C16orf89: variants seen among roughly 807,000 people sequenced by gnomAD.
The protein encoded by C16orf89 is UPF0764 protein C16orf89.
In C16orf89, 57 loss-of-function variants were observed where a neutral mutation model predicts 41.5. The ratio of observed to expected loss-of-function variants is 1.38; its 90% CI spans 1.11 to 1.71. The LOEUF (loss-of-function observed/expected upper bound fraction) is 1.71. C16orf89 is among the 40% of genes most tolerant of loss of function. The probability of loss-of-function intolerance (pLI) is 0.00; values close to 1 mark genes in which losing one functional copy is unlikely to be tolerated. For missense variants in C16orf89, 575 were observed against 445.9 expected, an observed-to-expected ratio of 1.29 and a Z score of -2.61; for synonymous variants, 223 against 190.6, an observed-to-expected ratio of 1.17 and a Z score of -1.40.
Position 5,065,647 on chromosome 16 carries a change from A to G in C16orf89, c.208+54T>C, listed in dbSNP as rs183144681. On this transcript the variant is annotated intron_variant, in intron 1 of 7. Coordinates refer to ENST00000472572, the MANE Select transcript of C16orf89 (RefSeq NM_001098514.3). ...AGGCGTACAGAGCAGGGCAGGGGACAAAGCTGAGAGCTAGCTTCCCAGTGT... is the reference window on the plus strand; with the variant it reads ...AGGCGTACAGAGCAGGGCAGGGGACGAAGCTGAGAGCTAGCTTCCCAGTGT... The G allele has an allele frequency of 5.8e-5, 90 of 1,541,704 alleles. 1 individual carries two copies. In the African/African-American group the frequency reaches 9.1e-4, roughly 16 times the overall value.
chr16:5,062,542 G>C lies in C16orf89; in HGVS notation c.241C>G (p.Gln81Glu), dbSNP rs184660255. 3.7e-6 allele frequency: 6 copies of C among 1,613,280 alleles called. No individual in the cohort carries two copies. Among genetic ancestry groups the C allele is most frequent in the Non-Finnish European group, 1.7e-6 (2 of 1,179,602 alleles). The change falls in exon 2 of 8, where the codon CAG (glutamine) becomes GAG (glutamate). Residue 81 changes from glutamine (Q) to glutamate (E), a missense_variant. By Grantham distance (29) the Gln-to-Glu change is conservative. Transcript: ENST00000472572. ...QLKSVREKWA[Q>E]EPLLQPLSLR... ...CTCAGCGGCTGCAGCAGGGGCTCCT[G>C]GGCCCACTTCTCCCGGACACTTTTT... is the stretch of plus-strand genomic sequence containing the variant.
Position 5,058,920 on chromosome 16 carries a change from T to C in C16orf89, c.510-310A>G, listed in dbSNP as rs189214300. On this transcript the variant is annotated intron_variant, in intron 3 of 7. Transcript: ENST00000472572. ...CAGTGGGTACTTGAACCCAGACCAC[T>C]TGGAATCTGGGCCCAACATGCTTAT... Among the ~76,000 whole-genome samples, 160 of 152,106 alleles carry C rather than the reference T, an allele frequency of 1.1e-3. 1 individual carries two copies. Among genetic ancestry groups the C allele is most frequent in the African/African-American group, 3.7e-3 (155 of 41,532 alleles).
intron 7 of C16orf89, among the ~76,000 whole-genome samples, chr16:5,045,544 G>A (rs564910169): frequency 2.0e-5 from 3 of 152,152 alleles, no homozygotes; most frequent in African/African-American, 7.2e-5. Context: ...AGCCAGGTCC[G>A]TTGAAGGGAG....
chr16:5,047,861 T>G lies in C16orf89; in HGVS notation c.955+17A>C. 7.0e-7 allele frequency: 1 copy of G among 1,435,190 alleles called. No individual in the cohort carries two copies. The highest frequency in any genetic ancestry group is 9.8e-7 in the Non-Finnish European group (1 of 1,019,282). The allele number at this position is 1,435,190 out of a possible 1,614,324, so 88.9% of individuals were successfully genotyped here. ...CTTAGTTTCATGTCAAGAAACTCCCTTGGGTATTTTCATTACCTGGAAATT... is the reference window on the plus strand; with the variant it reads ...CTTAGTTTCATGTCAAGAAACTCCCGTGGGTATTTTCATTACCTGGAAATT... On this transcript the variant is annotated intron_variant, in intron 7 of 7. Coordinates refer to ENST00000472572, the MANE Select transcript of C16orf89 (RefSeq NM_001098514.3).
chr16:5,062,407 C>T lies in C16orf89; in HGVS notation c.358+18G>A. ...AGGCGCTATTCCTGAGGGAATGGGA[C>T]ACCCTGCGTGTGCTCACCTCTTAGG... On this transcript the variant is annotated intron_variant, in intron 2 of 7. Coordinates refer to ENST00000472572, the MANE Select transcript of C16orf89 (RefSeq NM_001098514.3). 1.3e-6 allele frequency: 2 copies of T among 1,596,650 alleles called. No individual in the cohort carries two copies. Among genetic ancestry groups the T allele is most frequent in the Non-Finnish European group, 1.7e-6 (2 of 1,171,432 alleles).
In C16orf89 at chr16:5,060,313, A is replaced by G. The variant is rs748362978; in HGVS notation, c.482T>C (p.Val161Ala). The change falls in exon 3 of 8, where the codon GTG becomes GCG. Residue 161 changes from valine to alanine, a missense_variant. Val to Ala is a moderately conservative substitution (Grantham distance 64). Coordinates refer to ENST00000472572, the MANE Select transcript of C16orf89 (RefSeq NM_001098514.3). ...GGTTCCCAGCAGCTGCACCAGGCAC[A>G]CGTCACTTCTCTCCTCTGAGAATGA... ...QDSFSEERSD[V>A]CLVQLLGTGT... The G allele has an allele frequency of 1.2e-6, 2 of 1,611,960 alleles. No individual in the cohort carries two copies. Among genetic ancestry groups the G allele is most frequent in the South Asian group, 1.1e-5 (1 of 90,842 alleles).
intron 6 of C16orf89, among the ~76,000 whole-genome samples, chr16:5,051,637 T>C (rs1956398912): frequency 6.6e-6 from 1 of 152,066 alleles, no homozygotes; most frequent in South Asian, 2.1e-4. Flanking sequence ...CGAAGTGATC[T>C]ACAGATTGAA....
chr16:5,060,566 C>G, intron 2 of C16orf89, 130 bp from the exon 3 acceptor site: 9 of 911,732 alleles, frequency 9.9e-6, no homozygotes, highest in Non-Finnish European at 1.4e-5. Flanking sequence ...TAAGCCCTGT[C>G]CCCTGGTCCC....
At chr16:5,059,531 C>T (rs954857311) in intron 3 of C16orf89, among the ~76,000 whole-genome samples, 2 of 152,130 alleles carry the variant, frequency 1.3e-5, no homozygotes, top group African/African-American at 4.8e-5. Context: ...CCCAGCCCCT[C>T]CGTGAATCCA....
rs1343615260 is a variant in C16orf89 at position 5,060,406 on chromosome 16, C to T, written c.389G>A (p.Trp130Ter). The T allele has an allele frequency of 1.9e-6, 3 of 1,612,932 alleles. No individual in the cohort carries two copies. The highest frequency in any genetic ancestry group is 3.3e-5 in the Admixed American group (2 of 59,914). ...EFQLTLQPGFWKLPHAWIHTD... is the reference protein window; with the variant it reads ...EFQLTLQPGF ...GTGGATCCAGGCATGTGGGAGCTTC[C>T]AAAACCCGGGCTGGAGGGTCAGCTG... The change falls in exon 3 of 8, where the codon TGG becomes TAG. Residue 130 changes from tryptophan to a stop codon, truncating the protein, a stop_gained. Transcript: ENST00000472572. LOFTEE classifies it high-confidence loss of function.
chr16:5,063,983 C>G (rs1191001135), intron 1 of C16orf89, among the ~76,000 whole-genome samples: 1 of 151,936 alleles, frequency 6.6e-6, no homozygotes, highest in Non-Finnish European at 1.5e-5. Flanking sequence ...AAAAATTAGC[C>G]GGGCGTGGTG....
chr16:5,044,070 A>G (rs1406095113), downstream of C16orf89: 1 of 1,058,428 alleles, frequency 9.4e-7, no homozygotes, highest in Admixed American at 4.9e-5. Flanking sequence ...AAACAGACCA[A>G]GAGGTTGTCC....
In C16orf89 at chr16:5,058,490, C is replaced by G; in HGVS notation, c.627+3G>C. On this transcript the variant is annotated splice_donor_region_variant and intron_variant, in intron 4 of 7. Transcript: ENST00000472572. Reference sequence around the variant, plus strand: ...GCACGGCGGGGGCTCCCTGGGCACTCACCATTCTGGCCCAGAGGAAGAAGA... The same window carrying G: ...GCACGGCGGGGGCTCCCTGGGCACTGACCATTCTGGCCCAGAGGAAGAAGA... 1 of 1,598,802 alleles carries G rather than the reference C, an allele frequency of 6.3e-7. No individual in the cohort carries two copies. Among genetic ancestry groups the G allele is most frequent in the Non-Finnish European group, 8.6e-7 (1 of 1,168,686 alleles).
At position 5,057,236 on chromosome 16, in the gene C16orf89, C is replaced by CA. The variant is rs574771708; in HGVS notation, c.628-1049dup. Among the ~76,000 whole-genome samples the CA allele has an allele frequency of 1.4e-3, 110 of 76,240 alleles. 2 individuals carry two copies. Among genetic ancestry groups the CA allele is most frequent in the South Asian group, 8.8e-3 (25 of 2,828 alleles). 50.0% of individuals were successfully genotyped at this position (76,240 alleles called of 152,430 possible). A position where few individuals can be genotyped will look rare whatever the true frequency, so the allele number is the denominator to read the frequency against. The stretch of plus-strand genomic sequence containing the variant: ...TGGGCAACAGAGTGAGACTCCATCT[C>CA]AAAAAAAAAAAAAGAAGGAAAAGAA... On this transcript the variant is annotated intron_variant, in intron 4 of 7. Coordinates refer to ENST00000472572, the MANE Select transcript of C16orf89 (RefSeq NM_001098514.3).
chr16:5,044,199 C>A lies in C16orf89; in HGVS notation c.*149G>T. On this transcript the variant is annotated 3_prime_UTR_variant, in exon 8 of 8. Transcript: ENST00000472572. ...CCCACCTACCCTGGCCTTGCCTACT[C>A]AGGGCTTCCAAGATTGGGTGTCGGG... The A allele has an allele frequency of 1.4e-6, 2 of 1,402,936 alleles. No homozygotes were observed. The highest frequency in any genetic ancestry group is 2.7e-5 in the East Asian group (1 of 37,138). 86.9% of individuals were successfully genotyped at this position (1,402,936 alleles called of 1,614,324 possible).
At chr16:5,059,469 AAAAAAT>A (rs1235203811) in intron 3 of C16orf89, among the ~76,000 whole-genome samples, 1 of 152,002 alleles carries the variant, frequency 6.6e-6, no homozygotes, top group Non-Finnish European at 1.5e-5. Flanking sequence ...CTCTGTCTCA[AAAAAAT>A]AAAAATAAAT....
intron 6 of C16orf89, among the ~76,000 whole-genome samples, chr16:5,049,587 C>T (rs952071071): frequency 5.3e-5 from 8 of 152,292 alleles, no homozygotes; most frequent in African/African-American, 1.9e-4. Flanking sequence ...AATTAAACAA[C>T]ATGTTCCTGA....
intron 6 of C16orf89, 145 bp downstream of exon 6, chr16:5,055,101 A>G (rs1956466957): frequency 4.2e-6 from 3 of 717,070 alleles, no homozygotes; most frequent in African/African-American, 1.8e-5. Context: ...CCTTGTGTGT[A>G]CACGTCTGTG....
chr16:5,061,510 CCA>C (rs150052697), intron 2 of C16orf89, among the ~76,000 whole-genome samples: 22,899 of 114,082 alleles, frequency 0.2, 4,227 homozygotes, highest in East Asian at 0.54. Flanking sequence ...AAAAACCCCC[CCA>C]AAAAAAAAAA....
Sources: gnomAD v4.1 joint callset for allele counts (sites outside exome capture counted in the v4.1 genomes callset) on GRCh38, gnomAD v4.1.1 for gene constraint, MANE v1.5 for transcripts, NCBI Gene and HGNC (gene_info 2026-07-23, HGNC 2026-07-21) for gene names.